Variants in GALNT13 observed in about 807,000 individuals in gnomAD.
GALNT13 encodes polypeptide N-acetylgalactosaminyltransferase 13.
Under a neutral mutation model 64.2 loss-of-function variants are expected in GALNT13, and 28 were observed. The ratio of observed to expected loss-of-function variants is 0.44; its 90% confidence interval spans 0.32 to 0.60. The LOEUF (loss-of-function observed/expected upper bound fraction) is 0.60. Ranked by LOEUF, GALNT13 falls within the 20% of genes least tolerant of loss-of-function variation. The probability of loss-of-function intolerance (pLI) is 0.05; values close to 1 mark genes in which losing one functional copy is unlikely to be tolerated. For synonymous variants in GALNT13, 214 were observed against 224.6 expected (o/e 0.95, Z 0.42); for missense variants, 577 against 669.8 (o/e 0.86, Z 1.53).
chr2:154,333,739 T>C (rs1695290328), intron 9 of GALNT13, among the ~76,000 whole-genome samples: 1 of 152,104 alleles, frequency 6.6e-6, no homozygotes, highest in African/African-American at 2.4e-5. Context: ...CAGCTCTTGC[T>C]ATTGTAAAGG....
chr2:153,202,008 C>T, the GALNT13 span, among the ~76,000 whole-genome samples: 4 of 123,310 alleles, frequency 3.2e-5, no homozygotes, highest in African/African-American at 5.9e-5. Context: ...GACGGAGTTT[C>T]GCTCTGTCGC....
At chr2:154,182,236 A>G (rs1434720465) in intron 4 of GALNT13, among the ~76,000 whole-genome samples, 1 of 152,156 alleles carries the variant, frequency 6.6e-6, no homozygotes. Context: ...ACTCCCAAAG[A>G]TATGTTAATC....
the GALNT13 span, among the ~76,000 whole-genome samples, chr2:153,806,307 T>G: frequency 6.6e-6 from 1 of 152,086 alleles, no homozygotes; most frequent in Admixed American, 6.6e-5. Context: ...GAATAATTTG[T>G]ACTTTAATAA....
intron 9 of GALNT13, among the ~76,000 whole-genome samples, chr2:154,316,502 A>G (rs1347221763): frequency 6.6e-6 from 1 of 152,210 alleles, no homozygotes; most frequent in East Asian, 1.9e-4. Context: ...ATATAACTAA[A>G]TATAAAACTA....
the GALNT13 span, among the ~76,000 whole-genome samples, chr2:153,546,901 T>C: frequency 6.6e-6 from 1 of 152,230 alleles, no homozygotes; most frequent in Non-Finnish European, 1.5e-5. Flanking sequence ...TAGAAAACAA[T>C]TTCTATTCTG....
At chr2:153,592,861 T>C in the GALNT13 span, 1 of 152,204 alleles carries the variant, frequency 6.6e-6, no homozygotes, top group East Asian at 1.9e-4. Flanking sequence ...TGACCTTACC[T>C]TGAGATGAGT....
chr2:153,117,839 T>C, the GALNT13 span, among the ~76,000 whole-genome samples: 1 of 152,154 alleles, frequency 6.6e-6, no homozygotes, highest in Non-Finnish European at 1.5e-5. Flanking sequence ...GTTATTGTCA[T>C]GGCCAGTTAA....
At chr2:153,244,831 A>G in the GALNT13 span, among the ~76,000 whole-genome samples, 1 of 152,316 alleles carries the variant, frequency 6.6e-6, no homozygotes, top group Admixed American at 6.5e-5. Flanking sequence ...AAGTGGTCTC[A>G]TTCAGTGGGT....
At chr2:154,019,099 A>G (rs1238140290) in intron 3 of GALNT13, among the ~76,000 whole-genome samples, 5 of 152,154 alleles carry the variant, frequency 3.3e-5, no homozygotes, top group African/African-American at 1.2e-4. Context: ...TTATTCCTTG[A>G]TGCTAGTGCC....
chr2:153,755,292 C>T, the GALNT13 span, among the ~76,000 whole-genome samples: 10,402 of 152,090 alleles, frequency 0.068, 739 homozygotes, highest in African/African-American at 0.17. Flanking sequence ...CTTGATCCAT[C>T]CCTCTCCTCT....
the GALNT13 span, among the ~76,000 whole-genome samples, chr2:153,714,262 G>C: frequency 6.6e-6 from 1 of 152,028 alleles, no homozygotes; most frequent in Non-Finnish European, 1.5e-5. Flanking sequence ...CCTAGGAGGA[G>C]AAATATTTTC....
chr2:153,762,266 T>C, the GALNT13 span: 25 of 152,226 alleles, frequency 1.6e-4, no homozygotes, highest in Admixed American at 1.6e-3. Context: ...TACATTCTTG[T>C]GAAGTACCAA....
chr2:153,228,539 A>T, the GALNT13 span, among the ~76,000 whole-genome samples: 1 of 152,156 alleles, frequency 6.6e-6, no homozygotes, highest in African/African-American at 2.4e-5. Flanking sequence ...AAATGAAAAC[A>T]AACTCTTTGA....
At chr2:153,990,183 T>G (rs1297677488) in intron 3 of GALNT13, among the ~76,000 whole-genome samples, 4 of 152,040 alleles carry the variant, frequency 2.6e-5, no homozygotes, top group African/African-American at 9.7e-5. Flanking sequence ...CTGAAAAAAT[T>G]AAATAACTTG....
At chr2:153,241,017 T>A in the GALNT13 span, among the ~76,000 whole-genome samples, 882 of 152,262 alleles carry the variant, frequency 5.8e-3, 9 homozygotes, top group African/African-American at 0.019. Context: ...AACAGGAGAA[T>A]ACTTAGAAAG....
At chr2:153,097,326 A>T in the GALNT13 span, among the ~76,000 whole-genome samples, 13 of 151,972 alleles carry the variant, frequency 8.6e-5, no homozygotes, top group African/African-American at 3.1e-4. Context: ...ATTATATTCT[A>T]TGTTTTTCTG....
At chr2:153,365,046 A>G in the GALNT13 span, among the ~76,000 whole-genome samples, 3 of 152,182 alleles carry the variant, frequency 2.0e-5, no homozygotes, top group Non-Finnish European at 4.4e-5. Context: ...AAACAGACAT[A>G]TAGATCAATG....
At chr2:153,114,096 A>G in the GALNT13 span, among the ~76,000 whole-genome samples, 1 of 152,024 alleles carries the variant, frequency 6.6e-6, no homozygotes, top group Non-Finnish European at 1.5e-5. Context: ...GCATCAAACT[A>G]TGATGTGGGT....
intron 3 of GALNT13, among the ~76,000 whole-genome samples, chr2:154,042,969 T>A (rs964470434): frequency 2.0e-5 from 3 of 151,998 alleles, no homozygotes; most frequent in African/African-American, 7.2e-5. Flanking sequence ...GGCATATGAC[T>A]ATGTTGAAGA....
Sources: allele counts gnomAD v4.1 joint callset (sites outside exome capture counted in the v4.1 genomes callset), GRCh38; gene constraint gnomAD v4.1.1; transcripts MANE v1.5; gene names NCBI Gene and HGNC (gene_info 2026-07-23, HGNC 2026-07-21).